AUTS2: variants seen among roughly 807,000 people sequenced by gnomAD.
The protein encoded by AUTS2 is autism susceptibility gene 2 protein.
Under a neutral mutation model 112.4 loss-of-function variants are expected in AUTS2, and 17 were observed. That is an observed-to-expected ratio of 0.15 (90% CI 0.10 to 0.23). The LOEUF (loss-of-function observed/expected upper bound fraction) is 0.23. Ranked by LOEUF, AUTS2 falls within the 10% of genes least tolerant of loss-of-function variation. AUTS2 has a pLI of 1.00. For synonymous variants in AUTS2, 751 were observed against 702.7 expected (o/e 1.07, Z -1.09); for missense variants, 1,510 against 1,701.6 (o/e 0.89, Z 1.98).
chr7:69,836,964 A>T (rs1791755326), intron 1 of AUTS2, among the ~76,000 whole-genome samples: 1 of 152,150 alleles, frequency 6.6e-6, no homozygotes, highest in Non-Finnish European at 1.5e-5. Context: ...TTCTCATGTG[A>T]ATGTGTGCAG....
rs933996916 is a variant in AUTS2 at position 70,297,883 on chromosome 7, A to G, written c.661-137869A>G. 7.2e-5 allele frequency among the ~76,000 whole-genome samples: 11 copies of G among 152,318 alleles called. No individual in the cohort carries two copies. The South Asian group carries it at 2.3e-3, about 32-fold the overall frequency. On this transcript the variant is annotated intron_variant, in intron 4 of 18. Transcript: ENST00000342771. ...CAAGCCAAATCTTGTCTAGAGTACTACAAACTGATTGAAGTGAAATGTCTC... is the reference window on the plus strand; with the variant it reads ...CAAGCCAAATCTTGTCTAGAGTACTGCAAACTGATTGAAGTGAAATGTCTC...
At chr7:69,991,857 A>G (rs577630389) in intron 2 of AUTS2, among the ~76,000 whole-genome samples, 1 of 152,214 alleles carries the variant, frequency 6.6e-6, no homozygotes, top group Non-Finnish European at 1.5e-5. Context: ...TGATATCGGA[A>G]TACTTTCTAT....
At chr7:70,469,213 A>G (rs191610580) in intron 5 of AUTS2, among the ~76,000 whole-genome samples, 3 of 152,334 alleles carry the variant, frequency 2.0e-5, no homozygotes, top group African/African-American at 7.2e-5. Flanking sequence ...ATGGTAAGCA[A>G]TGAAGAAATG....
At chr7:70,646,954 G>A (rs1806203314) in intron 5 of AUTS2, among the ~76,000 whole-genome samples, 1 of 152,180 alleles carries the variant, frequency 6.6e-6, no homozygotes, top group African/African-American at 2.4e-5. Flanking sequence ...TTCCAGGCTG[G>A]CTGAGCAGTT....
At chr7:70,501,134 G>T (rs117210258) in intron 5 of AUTS2, among the ~76,000 whole-genome samples, 1 of 152,132 alleles carries the variant, frequency 6.6e-6, no homozygotes, top group Non-Finnish European at 1.5e-5. Flanking sequence ...GATTTATTTC[G>T]TGAATGTGTA....
chr7:69,934,032 T>A (rs1796318255), intron 2 of AUTS2, among the ~76,000 whole-genome samples: 1 of 152,226 alleles, frequency 6.6e-6, no homozygotes, highest in Non-Finnish European at 1.5e-5. Context: ...GTTTAGAGAT[T>A]TATTATTTTT....
chr7:69,761,602 T>C (rs1788186902), intron 1 of AUTS2, among the ~76,000 whole-genome samples: 1 of 152,054 alleles, frequency 6.6e-6, no homozygotes, highest in African/African-American at 2.4e-5. Context: ...TTACAGAAAA[T>C]GTGACAGGAC....
At chr7:69,873,202 G>T (rs1793582432) in intron 1 of AUTS2, among the ~76,000 whole-genome samples, 1 of 152,090 alleles carries the variant, frequency 6.6e-6, no homozygotes, top group African/African-American at 2.4e-5. Flanking sequence ...GGATTTATAA[G>T]TTCAGAGAAC....
chr7:69,623,771 T>C (rs1793799174), intron 1 of AUTS2, among the ~76,000 whole-genome samples: 1 of 152,074 alleles, frequency 6.6e-6, no homozygotes, highest in South Asian at 2.1e-4. Context: ...CTGGAAAAAG[T>C]GTAGTGTACA....
At chr7:70,343,766 A>G (rs1485232256) in intron 4 of AUTS2, among the ~76,000 whole-genome samples, 1 of 152,096 alleles carries the variant, frequency 6.6e-6, no homozygotes, top group Admixed American at 6.6e-5. Context: ...AATTAACTGT[A>G]TTCTTGAATG....
intron 4 of AUTS2, among the ~76,000 whole-genome samples, chr7:70,325,335 T>C (rs1790439022): frequency 6.6e-6 from 1 of 151,918 alleles, no homozygotes; most frequent in Non-Finnish European, 1.5e-5. Context: ...CAAACAAATA[T>C]AAAAATAAAA....
intron 4 of AUTS2, among the ~76,000 whole-genome samples, chr7:70,230,438 CAGTT>C (rs1456827297): frequency 6.6e-6 from 1 of 152,144 alleles, no homozygotes; most frequent in African/African-American, 2.4e-5. Context: ...GTTGAGTGCT[CAGTT>C]AAAGATTGGC....
intron 2 of AUTS2, among the ~76,000 whole-genome samples, chr7:69,981,336 A>G (rs1399929356): frequency 6.6e-6 from 1 of 152,190 alleles, no homozygotes; most frequent in East Asian, 1.9e-4. Flanking sequence ...ATTGTAAAAG[A>G]TTTGTGGTTT....
At chr7:69,658,653 G>C (rs746819016) in intron 1 of AUTS2, among the ~76,000 whole-genome samples, 2 of 152,060 alleles carry the variant, frequency 1.3e-5, no homozygotes, top group Non-Finnish European at 2.9e-5. Flanking sequence ...CTCTTTCTTT[G>C]TTTGCTAAAG....
chr7:70,238,381 A>T (rs1284991714), intron 4 of AUTS2, among the ~76,000 whole-genome samples: 2 of 152,176 alleles, frequency 1.3e-5, no homozygotes, highest in Non-Finnish European at 2.9e-5. Flanking sequence ...GACAGGACCA[A>T]CACTAATGCT....
intron 2 of AUTS2, among the ~76,000 whole-genome samples, chr7:69,989,736 G>T (rs923452890): frequency 6.6e-6 from 1 of 152,164 alleles, no homozygotes; most frequent in African/African-American, 2.4e-5. Flanking sequence ...GGGACCCCCC[G>T]CCCCGGGCCA....
chr7:70,547,403 C>T (rs935254655), intron 5 of AUTS2, among the ~76,000 whole-genome samples: 3 of 152,036 alleles, frequency 2.0e-5, no homozygotes, highest in Non-Finnish European at 2.9e-5. Flanking sequence ...TACAGGCGCC[C>T]GCCACCACAC....
At chr7:70,534,072 A>G (rs959413190) in intron 5 of AUTS2, among the ~76,000 whole-genome samples, 1 of 152,218 alleles carries the variant, frequency 6.6e-6, no homozygotes, top group Non-Finnish European at 1.5e-5. Context: ...TGTAGCACTC[A>G]AAGAGATGGC....
intron 4 of AUTS2, among the ~76,000 whole-genome samples, chr7:70,277,901 G>A (rs939098385): frequency 6.6e-6 from 1 of 150,940 alleles, no homozygotes; most frequent in Non-Finnish European, 1.5e-5. Flanking sequence ...TAGTAAAAAG[G>A]TTAGATTTCA....
Sources: gnomAD v4.1 joint callset for allele counts (sites outside exome capture counted in the v4.1 genomes callset) on GRCh38, gnomAD v4.1.1 for gene constraint, MANE v1.5 for transcripts, NCBI Gene and HGNC (gene_info 2026-07-23, HGNC 2026-07-21) for gene names.